Variants in ZNF821 observed in about 807,000 individuals in gnomAD.
ZNF821 encodes zinc finger protein 821.
ZNF821 carries 16 observed loss-of-function variants against 44.3 expected under a neutral mutation model. The observed-to-expected ratio is 0.36, with a 90% CI of 0.24 to 0.55. ZNF821 has a LOEUF of 0.55. ZNF821 is among the 20% of genes least tolerant of loss of function. ZNF821 has a pLI of 0.86. For missense variants in ZNF821, 436 were observed against 547.6 expected (o/e 0.80, Z 2.03); for synonymous variants, 204 against 197.6 (o/e 1.03, Z -0.27).
chr16:71,874,019 C>T lies in ZNF821; in HGVS notation c.40+5888G>A, dbSNP rs1283175374. On this transcript the variant is annotated intron_variant, in intron 3 of 7. Transcript: ENST00000425432. ...TGTTGCCCAGGCTGGAGTGCAATGG[C>T]GCGACCTTGGCTCACTGCAACCTCC... is the stretch of plus-strand genomic sequence containing the variant. Among the ~76,000 whole-genome samples, 18 of 143,224 alleles carry T rather than the reference C, an allele frequency of 1.3e-4. No homozygotes were observed. In the East Asian group the frequency reaches 3.6e-3, roughly 28 times the overall value. The allele number at this position is 143,224 out of a possible 152,430, so 94.0% of individuals were successfully genotyped here.
At chr16:71,891,995 CAAAA>C (rs58554253) in intron 1 of ZNF821, among the ~76,000 whole-genome samples, 127 of 21,152 alleles carry the variant, frequency 6.0e-3, no homozygotes, top group African/African-American at 0.015. Flanking sequence ...GACTCCGTCT[CAAAA>C]AAAAAAAAAA....
Position 71,860,026 on chromosome 16 carries a change from G to A in ZNF821, c.1231C>T (p.Leu411=), listed in dbSNP as rs774152403. 6.2e-7 allele frequency: 1 copy of A among 1,602,676 alleles called. No homozygotes were observed. Among genetic ancestry groups the A allele is most frequent in the South Asian group, 1.1e-5 (1 of 88,980 alleles). Residue 411 remains leucine, a synonymous_variant, in exon 8 of 8, where the codon CTG becomes TTG. Coordinates refer to ENST00000425432, the MANE Select transcript of ZNF821 (RefSeq NM_001201552.2). The surrounding 1 kb of genome is among the most constrained non-coding windows in gnomAD (Gnocchi z 7.3). ...AGGCAGGAGGGTGTGGTTCAGTGCAGAGAGCTGCTGTTCTGCTCTTCAAAG... is the reference window on the plus strand; with the variant it reads ...AGGCAGGAGGGTGTGGTTCAGTGCAAAGAGCTGCTGTTCTGCTCTTCAAAG... The part of the protein sequence containing the change: ...MAFEEQNSSS[L]H
At chr16:71,886,192 G>T (rs1280164190), upstream of ZNF821, among the ~76,000 whole-genome samples, 1 of 152,096 alleles carries the variant, frequency 6.6e-6, no homozygotes, top group African/African-American at 2.4e-5. Flanking sequence ...TTTCTCAGAG[G>T]TGTTGTGATT....
chr16:71,860,644 C>G lies in ZNF821; in HGVS notation c.613G>C (p.Glu205Gln). 6.2e-7 allele frequency: 1 copy of G among 1,613,666 alleles called. No individual in the cohort carries two copies. The highest frequency in any genetic ancestry group is 8.5e-7 in the Non-Finnish European group (1 of 1,179,864). The change falls in exon 8 of 8, where the codon GAA becomes CAA. Residue 205 changes from glutamate (E) to glutamine (Q), a missense_variant. This residue lies in a region of ZNF821 where 238 missense variants were observed against 281.4 expected (regional missense o/e 0.85). Coordinates refer to ENST00000425432, the MANE Select transcript of ZNF821 (RefSeq NM_001201552.2). This position sits in a 1 kb window ranked among gnomAD's most constrained non-coding sequence, Gnocchi z 7.3. Reference protein sequence around the residue: ...SEKLPEVLNMESLPTVHNEGP... With the variant: ...SEKLPEVLNMQSLPTVHNEGP... ...TCATTGTGGACTGTGGGTAGGGATT[C>G]CATATTTAGTACTTCAGGAAGTTTC...
At chr16:71,879,045 T>A (rs578071863) in intron 3 of ZNF821, among the ~76,000 whole-genome samples, 3 of 152,160 alleles carry the variant, frequency 2.0e-5, no homozygotes, top group African/African-American at 7.2e-5. Context: ...ATCCCACAAA[T>A]TGCTTCATAG....
chr16:71,869,378 G>C (rs1194378738), intron 3 of ZNF821, among the ~76,000 whole-genome samples: 1 of 152,130 alleles, frequency 6.6e-6, no homozygotes, highest in Non-Finnish European at 1.5e-5. Context: ...GACTTGATGT[G>C]GAGTAGGCTT....
intron 4 of ZNF821, among the ~76,000 whole-genome samples, chr16:71,867,503 A>G (rs944717751): frequency 2.6e-5 from 4 of 152,116 alleles, no homozygotes; most frequent in African/African-American, 9.7e-5. Context: ...CCTGACCAAC[A>G]TGGAGAAACC....
rs1172167071 is a variant in ZNF821, at chr16:71,892,458, CG to C, written n.448+2430del. ...ATTTTTTTTGTATTTTTAGTAGAGACGGGGTTTCACCGTGTTAGCCAGGATG... is the reference window on the plus strand; with the variant it reads ...ATTTTTTTTGTATTTTTAGTAGAGACGGGTTTCACCGTGTTAGCCAGGATG... On this transcript the variant is annotated intron_variant and non_coding_transcript_variant, in intron 1 of 2. Coordinates refer to the ZNF821 transcript ENST00000561700. Among the ~76,000 whole-genome samples, 7 of 150,652 alleles carry C rather than the reference CG, an allele frequency of 4.6e-5. No individual in the cohort carries two copies. In the East Asian group the frequency reaches 1.4e-3, roughly 31 times the overall value.
intron 3 of ZNF821, among the ~76,000 whole-genome samples, chr16:71,868,807 C>A (rs1210967603): frequency 1.3e-5 from 2 of 151,434 alleles, no homozygotes; most frequent in Non-Finnish European, 2.9e-5. Context: ...AGTGCTGGCA[C>A]CCGCCTCCAT....
intron 1 of ZNF821, among the ~76,000 whole-genome samples, chr16:71,892,087 A>G (rs2036889121): frequency 7.4e-6 from 1 of 135,130 alleles, no homozygotes; most frequent in Non-Finnish European, 1.6e-5. Context: ...CTGCGACAGG[A>G]GAATCGCTTT....
upstream of ZNF821, among the ~76,000 whole-genome samples, chr16:71,886,842 T>C (rs1428541530): frequency 6.6e-6 from 1 of 152,214 alleles, no homozygotes; most frequent in Non-Finnish European, 1.5e-5. Flanking sequence ...CTCCAGCTCC[T>C]GGCACCCACA....
At chr16:71,882,683 C>T (rs1384406587) in intron 2 of ZNF821, among the ~76,000 whole-genome samples, 1 of 152,040 alleles carries the variant, frequency 6.6e-6, no homozygotes, top group Non-Finnish European at 1.5e-5. Flanking sequence ...CACAACGAAA[C>T]GAAAATAATA....
chr16:71,862,342 G>T (rs977150405), intron 6 of ZNF821, among the ~76,000 whole-genome samples: 6 of 152,184 alleles, frequency 3.9e-5, no homozygotes, highest in African/African-American at 1.4e-4. Flanking sequence ...TGGTGTGGGG[G>T]CAGGTGCCTG....
At chr16:71,864,572 T>C (rs867384735) in intron 5 of ZNF821, among the ~76,000 whole-genome samples, 59 of 152,232 alleles carry the variant, frequency 3.9e-4, no homozygotes, top group Middle Eastern at 3.2e-3. Flanking sequence ...AGGTGACACC[T>C]TGACTTAGAT....
chr16:71,878,452 C>A (rs753489093), intron 3 of ZNF821, among the ~76,000 whole-genome samples: 1 of 151,744 alleles, frequency 6.6e-6, no homozygotes, highest in African/African-American at 2.4e-5. Context: ...TGGGTGGGAA[C>A]GATTATCTTC....
At chr16:71,880,652 A>T (rs1204043504) in intron 2 of ZNF821, among the ~76,000 whole-genome samples, 4 of 152,212 alleles carry the variant, frequency 2.6e-5, no homozygotes, top group Non-Finnish European at 5.9e-5. Context: ...TCAAACTTCT[A>T]ATGTTGAAGA....
chr16:71,868,796 C>T (rs993537440), intron 3 of ZNF821, among the ~76,000 whole-genome samples: 8 of 151,498 alleles, frequency 5.3e-5, no homozygotes, highest in African/African-American at 1.5e-4. Context: ...GGCTGGAGTA[C>T]AGTGCTGGCA....
In ZNF821 at chr16:71,879,897, C is replaced by G; in HGVS notation, c.40+10G>C. The stretch of plus-strand genomic sequence containing the variant: ...TTCCCAGGTTCCAGAAGACAAAGCC[C>G]GATACTCACAGTGAACTTTATTTGG... On this transcript the variant is annotated intron_variant, in intron 3 of 7. Transcript: ENST00000425432. The G allele has an allele frequency of 6.2e-7, 1 of 1,612,950 alleles. No homozygotes were observed. Among genetic ancestry groups the G allele is most frequent in the Non-Finnish European group, 8.5e-7 (1 of 1,179,440 alleles).
chr16:71,878,801 G>A (rs1205653957), intron 3 of ZNF821, among the ~76,000 whole-genome samples: 1 of 151,708 alleles, frequency 6.6e-6, no homozygotes, highest in African/African-American at 2.4e-5. Flanking sequence ...GCATGGTGGC[G>A]AGCACCTTAA....
Sources: gnomAD v4.1 joint callset for allele counts (sites outside exome capture counted in the v4.1 genomes callset) on GRCh38, gnomAD v4.1.1 for gene constraint, gnomAD v4.1.1 regional missense constraint, Gnocchi (gnomAD v3.1) non-coding constraint, MANE v1.5 for transcripts, NCBI Gene and HGNC (gene_info 2026-07-23, HGNC 2026-07-21) for gene names.